URI1: variants seen among roughly 807,000 people sequenced by gnomAD.
URI1 encodes URI1 prefoldin like chaperone.
In URI1, 39 loss-of-function variants were observed where a neutral mutation model predicts 60.2. The ratio of observed to expected loss-of-function variants is 0.65; its 90% CI spans 0.50 to 0.85. The LOEUF (loss-of-function observed/expected upper bound fraction) is 0.85. URI1 is among the 40% of genes least tolerant of loss of function. The probability of loss-of-function intolerance (pLI) is 0.00; values close to 1 mark genes in which losing one functional copy is unlikely to be tolerated. For missense variants in URI1, 691 were observed against 665.9 expected (o/e 1.04, Z -0.42); for synonymous variants, 251 against 236.8 (o/e 1.06, Z -0.55).
chr19:29,942,170 C>G (rs1268585878), upstream of URI1: 2 of 973,296 alleles, frequency 2.1e-6, no homozygotes, highest in African/African-American at 3.5e-5. Context: ...GGGGCGGGGC[C>G]TGCGCGAGCT....
intron 2 of URI1, among the ~76,000 whole-genome samples, chr19:29,972,099 A>G (rs1003659077): frequency 6.6e-6 from 1 of 152,090 alleles, no homozygotes; most frequent in Admixed American, 6.5e-5. Flanking sequence ...TAGTTAGTGT[A>G]TATCAAATGT....
At chr19:29,972,534 A>G (rs1460177392) in intron 2 of URI1, among the ~76,000 whole-genome samples, 3 of 152,128 alleles carry the variant, frequency 2.0e-5, no homozygotes, top group Non-Finnish European at 4.4e-5. Flanking sequence ...TTCACTGGAA[A>G]TAGATGCTAG....
At chr19:29,989,514 C>T (rs533052845) in intron 4 of URI1, among the ~76,000 whole-genome samples, 2 of 152,124 alleles carry the variant, frequency 1.3e-5, no homozygotes, top group South Asian at 4.1e-4. Context: ...ACCTCCGCCT[C>T]CCGGGTTCAA....
intron 2 of URI1, among the ~76,000 whole-genome samples, chr19:29,980,612 TAA>T (rs71333427): frequency 0.022 from 1,632 of 73,814 alleles, 68 homozygotes; most frequent in African/African-American, 0.09. Context: ...TTTTTTTTCT[TAA>T]AAAAAAAAAA....
Position 30,007,459 on chromosome 19 carries a change from T to G in URI1, c.518-11T>G. 2 of 1,610,866 alleles carry G rather than the reference T, an allele frequency of 1.2e-6. No individual in the cohort carries two copies. Among genetic ancestry groups the G allele is most frequent in the Non-Finnish European group, 1.7e-6 (2 of 1,178,676 alleles). Reference sequence around the variant, plus strand: ...CTATTAACAGCCACGTCTTTTCCTTTTTCTAAATAGCAAAACACCGAATTG... The same window carrying G: ...CTATTAACAGCCACGTCTTTTCCTTGTTCTAAATAGCAAAACACCGAATTG... On this transcript the variant is annotated splice_polypyrimidine_tract_variant and intron_variant, in intron 6 of 10. Coordinates refer to ENST00000392271, the MANE Select transcript of URI1 (RefSeq NM_003796.3).
At chr19:29,968,301 G>A (rs1445750061) in intron 1 of URI1, among the ~76,000 whole-genome samples, 2 of 152,004 alleles carry the variant, frequency 1.3e-5, no homozygotes, top group Admixed American at 6.5e-5. Flanking sequence ...AACTAGTTTT[G>A]TTCTTCCATT....
chr19:29,992,919 CATTTGGCCA>C (rs2055764786), intron 4 of URI1, among the ~76,000 whole-genome samples: 1 of 152,116 alleles, frequency 6.6e-6, no homozygotes, highest in East Asian at 1.9e-4. Context: ...TGACAACAGG[CATTTGGCCA>C]CATTTCTAGT....
At chr19:29,955,652 T>A (rs2055236270) in intron 1 of URI1, among the ~76,000 whole-genome samples, 1 of 57,344 alleles carries the variant, frequency 1.7e-5, no homozygotes, top group Non-Finnish European at 4.9e-5. Context: ...GTTACCATTT[T>A]TTTCTTTTCT....
chr19:30,002,240 T>TA (rs1429604984), intron 4 of URI1, among the ~76,000 whole-genome samples: 2 of 152,106 alleles, frequency 1.3e-5, no homozygotes, highest in African/African-American at 4.8e-5. Context: ...TCCTTTCAAA[T>TA]ATATACAATT....
At chr19:29,935,414 G>T (rs891237697) in intron 1 of URI1, among the ~76,000 whole-genome samples, 6 of 152,094 alleles carry the variant, frequency 3.9e-5, no homozygotes, top group Admixed American at 3.3e-4. Flanking sequence ...TTAAATGATA[G>T]GTGAAAAACA....
At chr19:29,953,584 A>G (rs1056797622) in intron 1 of URI1, among the ~76,000 whole-genome samples, 1 of 152,180 alleles carries the variant, frequency 6.6e-6, no homozygotes, top group Non-Finnish European at 1.5e-5. Context: ...AAGATGATGC[A>G]ATATCCTAGG....
chr19:29,963,986 A>G (rs184464348), intron 1 of URI1, among the ~76,000 whole-genome samples: 33 of 152,280 alleles, frequency 2.2e-4, no homozygotes, highest in African/African-American at 7.2e-4. Context: ...GACAGATACC[A>G]TGGGAGGGAA....
chr19:30,007,424 T>C, intron 6 of URI1, 46 bp from the exon 7 acceptor site: 6 of 1,594,152 alleles, frequency 3.8e-6, no homozygotes, highest in Non-Finnish European at 3.4e-6. Flanking sequence ...TTGTGCCTTT[T>C]TTATGTTGGC....
chr19:29,997,996 C>T (rs540729353), intron 4 of URI1, among the ~76,000 whole-genome samples: 51 of 152,238 alleles, frequency 3.4e-4, no homozygotes, highest in Middle Eastern at 3.4e-3. Flanking sequence ...AATTCCTGGC[C>T]TCAAGCAATC....
At chr19:29,938,882 T>TA (rs2054996650), upstream of URI1, among the ~76,000 whole-genome samples, 1 of 151,768 alleles carries the variant, frequency 6.6e-6, no homozygotes, top group Non-Finnish European at 1.5e-5. Context: ...TTCACCATGT[T>TA]AGCCAGGATG....
chr19:29,935,156 T>C (rs1368985734), intron 1 of URI1, among the ~76,000 whole-genome samples: 1 of 152,196 alleles, frequency 6.6e-6, no homozygotes, highest in Non-Finnish European at 1.5e-5. Context: ...TTGATTCCTT[T>C]TTTCTTTCCC....
intron 4 of URI1, among the ~76,000 whole-genome samples, chr19:30,002,784 T>G (rs1475371552): frequency 1.3e-5 from 2 of 152,026 alleles, no homozygotes; most frequent in East Asian, 3.9e-4. Flanking sequence ...TTTTCTATAA[T>G]AATTGGTAAC....
At chr19:29,951,022 T>A (rs1418915791) in intron 1 of URI1, among the ~76,000 whole-genome samples, 1 of 152,134 alleles carries the variant, frequency 6.6e-6, no homozygotes, top group African/African-American at 2.4e-5. Flanking sequence ...TCCCAGTTAC[T>A]CCAAAAGCTC....
chr19:29,948,833 T>C (rs335039), intron 1 of URI1, among the ~76,000 whole-genome samples: 6,898 of 152,294 alleles, frequency 0.045, 552 homozygotes, highest in African/African-American at 0.16. Context: ...CATCATGGCC[T>C]GTTCTCAGTG....
Sources: gnomAD v4.1 joint callset for allele counts (sites outside exome capture counted in the v4.1 genomes callset) on GRCh38, gnomAD v4.1.1 for gene constraint, MANE v1.5 for transcripts, NCBI Gene and HGNC (gene_info 2026-07-23, HGNC 2026-07-21) for gene names.